The following SLCO5A1 variants were observed in gnomAD, a reference collection of about 807,000 sequenced individuals.
SLCO5A1 encodes solute carrier organic anion transporter family member 5A1, also known as organic anion transporter polypeptide-related protein 4.
Under a neutral mutation model 65.1 loss-of-function variants are expected in SLCO5A1, and 39 were observed. The ratio of observed to expected loss-of-function variants is 0.60; its 90% CI spans 0.46 to 0.78. SLCO5A1 has a LOEUF of 0.78. Among genes scored for constraint, SLCO5A1 ranks in the 30% least tolerant of loss-of-function variants. The probability of loss-of-function intolerance (pLI) is 0.00; values close to 1 mark genes in which losing one functional copy is unlikely to be tolerated. For synonymous variants in SLCO5A1, 438 were observed against 415.7 expected, an observed-to-expected ratio of 1.05 and a Z score of -0.65; for missense variants, 1,029 against 1,069.4, an observed-to-expected ratio of 0.96 and a Z score of 0.53.
Position 69,682,223 on chromosome 8 carries a change from A to G in SLCO5A1, c.1743T>C (p.Cys581=). The G allele has an allele frequency of 1.2e-6, 2 of 1,613,064 alleles. No individual in the cohort carries two copies. ...GSDGITYFNP[C]LAGCVNSGNL... is the part of the protein sequence containing the mutation. ...TACCACTATTAACACAGCCAGCCAG[A>G]CAAGGGTTAAAGTATGTAATTCCAT... The change falls in exon 7 of 10, where the codon TGT becomes TGC. Residue 581 remains cysteine, a synonymous_variant. Coordinates refer to ENST00000260126, the MANE Select transcript of SLCO5A1 (RefSeq NM_030958.3).
At chr8:69,682,706 GTACC>G (rs1418360303) in intron 6 of SLCO5A1, among the ~76,000 whole-genome samples, 3 of 151,964 alleles carry the variant, frequency 2.0e-5, no homozygotes, top group Non-Finnish European at 4.4e-5. Context: ...TAACAAATCT[GTACC>G]TCAATTTCTT....
intron 2 of SLCO5A1, among the ~76,000 whole-genome samples, chr8:69,817,358 T>A (rs1033282630): frequency 3.3e-5 from 5 of 152,212 alleles, no homozygotes; most frequent in Non-Finnish European, 7.3e-5. Flanking sequence ...TATATAGATA[T>A]ATAGATATCA....
At chr8:69,689,508 T>C (rs1814149257) in intron 6 of SLCO5A1, among the ~76,000 whole-genome samples, 2 of 140,848 alleles carry the variant, frequency 1.4e-5, no homozygotes, top group African/African-American at 2.8e-5. Context: ...CTTGAATTAA[T>C]TTTTGTATAA....
intron 5 of SLCO5A1, among the ~76,000 whole-genome samples, chr8:69,735,626 CAT>C (rs1816520401): frequency 1.3e-5 from 2 of 152,102 alleles, no homozygotes; most frequent in Non-Finnish European, 2.9e-5. Flanking sequence ...GGTAAGAACA[CAT>C]AGATACATGG....
intron 5 of SLCO5A1, among the ~76,000 whole-genome samples, chr8:69,718,041 T>C (rs1815636909): frequency 6.6e-6 from 1 of 152,204 alleles, no homozygotes; most frequent in Non-Finnish European, 1.5e-5. Flanking sequence ...TTTTGTGTCT[T>C]GTGACCAACA....
At chr8:69,794,558 C>T in intron 2 of SLCO5A1, 1 of 345,948 alleles carries the variant, frequency 2.9e-6, no homozygotes, top group South Asian at 2.8e-5. Context: ...CAGGATTTGT[C>T]ATAACTATTT....
chr8:69,742,686 T>A lies in SLCO5A1; in HGVS notation c.1259-4482A>T, dbSNP rs2933026. Among the ~76,000 whole-genome samples the A allele has an allele frequency of 2.0e-3, 310 of 151,998 alleles. 1 individual carries two copies. The highest frequency in any genetic ancestry group is 7.0e-3 in the African/African-American group (291 of 41,462). ...TGCACACGGACCTGGTGTTAAATTGTACTCCAATCACAACAGAGCTATGCT... is the reference window on the plus strand; with the variant it reads ...TGCACACGGACCTGGTGTTAAATTGAACTCCAATCACAACAGAGCTATGCT... On this transcript the variant is annotated intron_variant, in intron 4 of 9. Coordinates refer to ENST00000260126, the MANE Select transcript of SLCO5A1 (RefSeq NM_030958.3).
At chr8:69,711,800 C>T (rs780151519) in intron 5 of SLCO5A1, among the ~76,000 whole-genome samples, 1 of 152,170 alleles carries the variant, frequency 6.6e-6, no homozygotes, top group African/African-American at 2.4e-5. Context: ...TGAATTAAGA[C>T]CTGTGAAAGG....
At chr8:69,774,782 T>C (rs939441248) in intron 2 of SLCO5A1, among the ~76,000 whole-genome samples, 4 of 152,208 alleles carry the variant, frequency 2.6e-5, no homozygotes, top group African/African-American at 9.7e-5. Context: ...CACCCTCTTG[T>C]ATGTGTTTGG....
chr8:69,679,690 A>G (rs1813687812), intron 7 of SLCO5A1, 71 bp from the exon 8 acceptor site: 2 of 1,568,220 alleles, frequency 1.3e-6, no homozygotes, highest in Non-Finnish European at 1.7e-6. Flanking sequence ...TATTAAGACA[A>G]AGTTAAGTAA....
At chr8:69,774,268 GT>G (rs1265877285) in intron 2 of SLCO5A1, among the ~76,000 whole-genome samples, 2 of 152,178 alleles carry the variant, frequency 1.3e-5, no homozygotes, top group East Asian at 1.9e-4. Context: ...GGGCTGCCCT[GT>G]TGCAGTGAGC....
At chr8:69,753,186 G>A (rs748453427) in intron 4 of SLCO5A1, among the ~76,000 whole-genome samples, 9 of 152,144 alleles carry the variant, frequency 5.9e-5, no homozygotes, top group Non-Finnish European at 1.0e-4. Context: ...AACACTGGGT[G>A]GAGAGTGTGG....
intron 5 of SLCO5A1, among the ~76,000 whole-genome samples, chr8:69,726,644 C>A (rs923816607): frequency 6.6e-6 from 1 of 151,994 alleles, no homozygotes; most frequent in Non-Finnish European, 1.5e-5. Flanking sequence ...GGATTACAGG[C>A]GTGTGCCACC....
chr8:69,821,457 G>C (rs1264637599), intron 2 of SLCO5A1, among the ~76,000 whole-genome samples: 1 of 150,672 alleles, frequency 6.6e-6, no homozygotes, highest in Non-Finnish European at 1.5e-5. Flanking sequence ...AGGAGAAGGA[G>C]AGGGAGCAGG....
At position 69,775,122 on chromosome 8, in the gene SLCO5A1, T is replaced by C. The variant is rs529147200; in HGVS notation, c.908-13247A>G. 3.3e-5 allele frequency among the ~76,000 whole-genome samples: 5 copies of C among 152,280 alleles called. No homozygotes were observed. The South Asian group carries it at 1.0e-3, about 32-fold the overall frequency. On this transcript the variant is annotated intron_variant, in intron 2 of 9. Coordinates refer to ENST00000260126, the MANE Select transcript of SLCO5A1 (RefSeq NM_030958.3). ...AATAGTCTATCACTTTGCTGAAACA[T>C]CCAGAGAGCATCTCAGGTCACAAAT...
chr8:69,781,554 A>T (rs770635119), intron 2 of SLCO5A1, among the ~76,000 whole-genome samples: 1 of 152,216 alleles, frequency 6.6e-6, no homozygotes, highest in Non-Finnish European at 1.5e-5. Context: ...TGTCTGTAAG[A>T]TACTGTGCTA....
intron 2 of SLCO5A1, among the ~76,000 whole-genome samples, chr8:69,807,766 C>A (rs1458444987): frequency 6.6e-6 from 1 of 152,176 alleles, no homozygotes; most frequent in Non-Finnish European, 1.5e-5. Flanking sequence ...AGCAGTGGTG[C>A]GATCTCGGCT....
At chr8:69,714,313 G>T (rs140750988) in intron 5 of SLCO5A1, among the ~76,000 whole-genome samples, 2 of 152,298 alleles carry the variant, frequency 1.3e-5, no homozygotes, top group East Asian at 3.9e-4. Flanking sequence ...CTTAAAGGAG[G>T]GGTAGCAAAT....
At chr8:69,782,840 A>C (rs1818856328) in intron 2 of SLCO5A1, among the ~76,000 whole-genome samples, 1 of 152,178 alleles carries the variant, frequency 6.6e-6, no homozygotes, top group African/African-American at 2.4e-5. Flanking sequence ...AAAATTTTTA[A>C]AGTAATATTC....
Sources: gnomAD v4.1 joint callset for allele counts (sites outside exome capture counted in the v4.1 genomes callset) on GRCh38, gnomAD v4.1.1 for gene constraint, MANE v1.5 for transcripts, NCBI Gene and HGNC (gene_info 2026-07-23, HGNC 2026-07-21) for gene names.